The following CDH18 variants were observed in gnomAD, a reference collection of about 807,000 sequenced individuals.
CDH18 encodes cadherin 18.
Under a neutral mutation model 67.9 loss-of-function variants are expected in CDH18, and 31 were observed. That is an observed-to-expected ratio of 0.46 (90% CI 0.34 to 0.62). The LOEUF (loss-of-function observed/expected upper bound fraction) is 0.62. Ranked by LOEUF, CDH18 falls within the 20% of genes least tolerant of loss-of-function variation. The pLI is 0.01. For synonymous variants in CDH18, 362 were observed against 347.2 expected (o/e 1.04, Z -0.48); for missense variants, 890 against 975.5 (o/e 0.91, Z 1.17).
At chr5:20,442,391 T>C (rs1314972925) in intron 1 of CDH18, among the ~76,000 whole-genome samples, 1 of 151,990 alleles carries the variant, frequency 6.6e-6, no homozygotes, top group Non-Finnish European at 1.5e-5. Context: ...AAATACCTTA[T>C]ATAATATAAA....
chr5:19,785,986 G>A (rs1294812273), intron 3 of CDH18, among the ~76,000 whole-genome samples: 1 of 151,420 alleles, frequency 6.6e-6, no homozygotes, highest in Non-Finnish European at 1.5e-5. Flanking sequence ...ATAAAATTAG[G>A]CCAACTATTG....
intron 2 of CDH18, among the ~76,000 whole-genome samples, chr5:20,094,860 T>C (rs1017406875): frequency 6.6e-6 from 1 of 152,158 alleles, no homozygotes; most frequent in African/African-American, 2.4e-5. Flanking sequence ...CGCACACATA[T>C]ATTTACTGCA....
chr5:19,994,855 T>TGGAGAGAG (rs1554078403), intron 2 of CDH18, among the ~76,000 whole-genome samples: 2 of 67,586 alleles, frequency 3.0e-5, no homozygotes, highest in Non-Finnish European at 5.1e-5. Context: ...TATATATATA[T>TGGAGAGAG]AGAGAGAGAG....
chr5:19,815,592 G>A (rs1370043733), intron 3 of CDH18, among the ~76,000 whole-genome samples: 2 of 151,632 alleles, frequency 1.3e-5, no homozygotes, highest in African/African-American at 4.8e-5. Flanking sequence ...TGTCTTCTAA[G>A]TAATGAAAAA....
chr5:19,573,663 T>G (rs1391953278), intron 7 of CDH18, among the ~76,000 whole-genome samples: 1 of 152,138 alleles, frequency 6.6e-6, no homozygotes, highest in Non-Finnish European at 1.5e-5. Flanking sequence ...CAAGTGAGAA[T>G]TTGCCTATGA....
At chr5:20,211,719 A>G (rs1740369399) in intron 2 of CDH18, among the ~76,000 whole-genome samples, 1 of 152,176 alleles carries the variant, frequency 6.6e-6, no homozygotes, top group Non-Finnish European at 1.5e-5. Context: ...AGAAAGGAAT[A>G]GCATCAACAT....
At chr5:19,884,259 A>T (rs2150064953) in intron 2 of CDH18, among the ~76,000 whole-genome samples, 1 of 152,266 alleles carries the variant, frequency 6.6e-6, no homozygotes, top group South Asian at 2.1e-4. Flanking sequence ...TGTTAACAAA[A>T]TTGTTTTCAC....
intron 2 of CDH18, among the ~76,000 whole-genome samples, chr5:20,022,859 T>C (rs777034541): frequency 5.9e-5 from 9 of 152,212 alleles, no homozygotes; most frequent in Non-Finnish European, 1.2e-4. Flanking sequence ...GGTGAGTCTA[T>C]GCTTGCACTC....
chr5:19,981,920 T>C (rs911798344), intron 1 of CDH18, among the ~76,000 whole-genome samples: 2 of 152,186 alleles, frequency 1.3e-5, no homozygotes, highest in African/African-American at 2.4e-5. Flanking sequence ...TTTTTCATTT[T>C]TTCTCTTTAA....
chr5:19,806,086 C>T (rs1778006857), intron 3 of CDH18, among the ~76,000 whole-genome samples: 1 of 152,224 alleles, frequency 6.6e-6, no homozygotes. Flanking sequence ...ACACATTTAA[C>T]CTTTGGATAT....
At chr5:20,039,912 C>T (rs1239952452) in intron 2 of CDH18, among the ~76,000 whole-genome samples, 3 of 152,096 alleles carry the variant, frequency 2.0e-5, no homozygotes, top group Non-Finnish European at 4.4e-5. Context: ...GAGCAGGCAA[C>T]CTACAGAATG....
chr5:20,143,794 T>C (rs1750427662), intron 2 of CDH18, among the ~76,000 whole-genome samples: 1 of 152,158 alleles, frequency 6.6e-6, no homozygotes, highest in Non-Finnish European at 1.5e-5. Flanking sequence ...ATTAGCACAA[T>C]AATTTGTAAG....
rs181390593 is a variant in CDH18 at position 20,569,003 on chromosome 5, T to C, written c.-580+6459A>G. On this transcript the variant is annotated intron_variant, in intron 1 of 14. Coordinates refer to the CDH18 transcript ENST00000507958. ...ATATCTAATCATATTCACTGCATAA[T>C]GCACCCATATTCATCTCTAACACTT... Among the ~76,000 whole-genome samples, 33 of 152,328 alleles carry C rather than the reference T, an allele frequency of 2.2e-4. No homozygotes were observed. In the East Asian group the frequency reaches 5.6e-3, roughly 26 times the overall value.
intron 2 of CDH18, among the ~76,000 whole-genome samples, chr5:19,844,475 GCCT>G (rs913982705): frequency 1.3e-5 from 2 of 152,090 alleles, no homozygotes; most frequent in African/African-American, 4.8e-5. Context: ...GTTTCCTGAG[GCCT>G]CCTTAGCTTT....
intron 2 of CDH18, among the ~76,000 whole-genome samples, chr5:20,099,194 C>T (rs1306805461): frequency 6.6e-6 from 1 of 152,138 alleles, no homozygotes; most frequent in African/African-American, 2.4e-5. Flanking sequence ...ATCTCAATTA[C>T]ACCAAAATGC....
At chr5:20,295,859 C>CTTTTT (rs1561947549) in intron 1 of CDH18, among the ~76,000 whole-genome samples, 1 of 133,378 alleles carries the variant, frequency 7.5e-6, no homozygotes, top group African/African-American at 2.9e-5. Flanking sequence ...ATTTTATTTT[C>CTTTTT]TTTCTTTTTT....
chr5:19,743,883 T>G (rs560319493), intron 4 of CDH18, among the ~76,000 whole-genome samples: 2 of 129,472 alleles, frequency 1.5e-5, no homozygotes, highest in Admixed American at 1.9e-4. Flanking sequence ...ATCATGCCAC[T>G]GCACTCCAGC....
intron 1 of CDH18, among the ~76,000 whole-genome samples, chr5:20,470,582 C>T (rs1318307081): frequency 6.6e-6 from 1 of 152,108 alleles, no homozygotes; most frequent in Non-Finnish European, 1.5e-5. Context: ...TACCTGCCCT[C>T]ACATCCATGC....
At chr5:20,277,381 T>A (rs1745890395) in intron 1 of CDH18, among the ~76,000 whole-genome samples, 1 of 152,062 alleles carries the variant, frequency 6.6e-6, no homozygotes, top group Non-Finnish European at 1.5e-5. Context: ...AGAGAATTCC[T>A]CAAGATCTTT....
Sources: gnomAD v4.1 joint callset for allele counts (sites outside exome capture counted in the v4.1 genomes callset) on GRCh38, gnomAD v4.1.1 for gene constraint, MANE v1.5 for transcripts, NCBI Gene and HGNC (gene_info 2026-07-23, HGNC 2026-07-21) for gene names.